GPR179: variants seen among roughly 807,000 people sequenced by gnomAD.
GPR179 encodes the protein G protein-coupled receptor 179.
GPR179 carries 52 observed loss-of-function variants against 70.8 expected under a neutral mutation model. The ratio of observed to expected loss-of-function variants is 0.73; its 90% CI spans 0.59 to 0.93. The LOEUF (loss-of-function observed/expected upper bound fraction) is 0.93. Among genes scored for constraint, GPR179 ranks in the 40% least tolerant of loss-of-function variants. The probability of loss-of-function intolerance (pLI) is 0.00; values close to 1 mark genes in which losing one functional copy is unlikely to be tolerated. For synonymous variants in GPR179, 1,123 were observed against 1,169.0 expected, an observed-to-expected ratio of 0.96 and a Z score of 0.80; for missense variants, 2,734 against 2,966.8, an observed-to-expected ratio of 0.92 and a Z score of 1.82.
rs904594582 is a variant in GPR179 at position 38,334,582 on chromosome 17, C to T, written c.1784+122G>A. ...GGAGAGAGCCAGAAGTGGGGGCCTTCGTCAACGTGCTGAGGCGTAGCAGTG... is the reference window on the plus strand; with the variant it reads ...GGAGAGAGCCAGAAGTGGGGGCCTTTGTCAACGTGCTGAGGCGTAGCAGTG... On this transcript the variant is annotated intron_variant, in intron 8 of 10. Coordinates refer to ENST00000616987, the MANE Select transcript of GPR179 (RefSeq NM_001004334.4). This position sits in a 1 kb window ranked among gnomAD's most constrained non-coding sequence, Gnocchi z 4.7. 2.9e-5 allele frequency: 31 copies of T among 1,062,598 alleles called. No homozygotes were observed. Among genetic ancestry groups the T allele is most frequent in the Non-Finnish European group, 3.7e-5 (27 of 724,132 alleles). The allele number at this position is 1,062,598 out of a possible 1,614,324, so 65.8% of individuals were successfully genotyped here.
Position 38,334,120 on chromosome 17 carries a change from C to T in GPR179, c.1785-82G>A. 2 of 967,092 alleles carry T rather than the reference C, an allele frequency of 2.1e-6. No individual in the cohort carries two copies. Among genetic ancestry groups the T allele is most frequent in the Non-Finnish European group, 3.4e-6 (2 of 595,102 alleles). 59.9% of individuals were successfully genotyped at this position (967,092 alleles called of 1,614,324 possible). Reference sequence around the variant, plus strand: ...TTGCCTTCTCACTGGCGTTTCACCTCAGCCCCAACCCTGATACGCTTAGGA... The same window carrying T: ...TTGCCTTCTCACTGGCGTTTCACCTTAGCCCCAACCCTGATACGCTTAGGA... On this transcript the variant is annotated intron_variant, in intron 8 of 10. Transcript: ENST00000616987. The surrounding 1 kb of genome is among the most constrained non-coding windows in gnomAD (Gnocchi z 4.7).
In GPR179 at chr17:38,334,057, G is replaced by T. The variant is rs777539313; in HGVS notation, c.1785-19C>A. On this transcript the variant is annotated intron_variant, in intron 8 of 10. Coordinates refer to ENST00000616987, the MANE Select transcript of GPR179 (RefSeq NM_001004334.4). This position sits in a 1 kb window ranked among gnomAD's most constrained non-coding sequence, Gnocchi z 4.7. ...CACAAACCTGGGGCGGGATAGGGGC[G>T]CAGGTCATTACTGCAGGCAGGAGTT... The T allele has an allele frequency of 1.3e-6, 2 of 1,545,558 alleles. No individual in the cohort carries two copies.
rs1324856324 is a variant in GPR179 at position 38,329,218 on chromosome 17, ACT to A, written c.4349_4350del (p.Glu1450ValfsTer11). The A allele has an allele frequency of 4.3e-6, 7 of 1,613,184 alleles. No individual in the cohort carries two copies. The highest frequency in any genetic ancestry group is 5.9e-6 in the Non-Finnish European group (7 of 1,179,726). ...ATGCCACTGCCCAAACTCCCTGAAC[ACT>A]CTGAGCTTCCTGGGGCCTGAATTGA... ...AVSIQAPGSS[E>X]CSGSLGSGIA... is the part of the protein sequence containing the mutation. On this transcript the variant is annotated frameshift_variant, in exon 11 of 11. Coordinates refer to ENST00000616987, the MANE Select transcript of GPR179 (RefSeq NM_001004334.4). LOFTEE classifies it low-confidence loss of function (END_TRUNC).
At chr17:38,333,503 C>T (rs760067743) in intron 9 of GPR179, 106 bp from the exon 10 acceptor site, 14 of 1,154,784 alleles carry the variant, frequency 1.2e-5, no homozygotes, top group Non-Finnish European at 1.7e-5. Flanking sequence ...ACGCTTCACC[C>T]CCTTCTCTGA....
chr17:38,337,498 T>C, intron 3 of GPR179, 135 bp downstream of exon 3: 1 of 788,080 alleles, frequency 1.3e-6, no homozygotes, highest in Non-Finnish European at 2.1e-6. Context: ...CTCTCCTGCC[T>C]CTCTCAACCT....
Position 38,333,313 on chromosome 17 carries a change from A to G in GPR179, c.1975T>C (p.Tyr659His). The stretch of plus-strand genomic sequence containing the variant: ...GCTGAGGCGATGCTGCTGCCAAGGT[A>G]GGAGCCTGAGTGCTGCAGGTCCAGC... ...DELDLQHSGSYLGSSIASAWS... is the reference protein window; with the variant it reads ...DELDLQHSGSHLGSSIASAWS... Residue 659 changes from tyrosine to histidine, a missense_variant, in exon 10 of 11, where the codon TAC becomes CAC. Tyr to His is a moderately conservative substitution (Grantham distance 83). Coordinates refer to ENST00000616987, the MANE Select transcript of GPR179 (RefSeq NM_001004334.4). The G allele has an allele frequency of 1.2e-6, 2 of 1,614,068 alleles. No individual in the cohort carries two copies. Among genetic ancestry groups the G allele is most frequent in the South Asian group, 1.1e-5 (1 of 91,080 alleles).
chr17:38,341,163 T>C (rs1271709390), intron 1 of GPR179, among the ~76,000 whole-genome samples: 1 of 152,208 alleles, frequency 6.6e-6, no homozygotes, highest in Non-Finnish European at 1.5e-5. Flanking sequence ...TCCAGTATTA[T>C]GAATGTTCAC....
chr17:38,331,786 A>G (rs1176917457), intron 10 of GPR179, among the ~76,000 whole-genome samples: 1 of 152,106 alleles, frequency 6.6e-6, no homozygotes, highest in African/African-American at 2.4e-5. Flanking sequence ...ATTGTGGTCT[A>G]GTGGGAAGTT....
chr17:38,343,656 C>T lies in GPR179; in HGVS notation c.134G>A (p.Gly45Glu). 1 of 1,612,740 alleles carries T rather than the reference C, an allele frequency of 6.2e-7. No homozygotes were observed. The highest frequency in any genetic ancestry group is 1.1e-5 in the South Asian group (1 of 91,046). ...TAGGGGCACCTGCATGGGTACAGAT[C>T]CTGGCTTGACTTGGGAAGACAGAGG... is the stretch of plus-strand genomic sequence containing the variant. Reference protein sequence around the residue: ...LPPLSSQVKPGSVPMQVPLEG... With the variant: ...LPPLSSQVKPESVPMQVPLEG... The change falls in exon 1 of 11, where the codon GGA (glycine) becomes GAA (glutamate). Residue 45 changes from glycine (G) to glutamate (E), a missense_variant. Physicochemically the swap from Gly to Glu is moderately conservative, Grantham distance 98 (BLOSUM62 -2). Transcript: ENST00000616987. This position sits in a 1 kb window ranked among gnomAD's most constrained non-coding sequence, Gnocchi z 4.2.
rs759443922 is a variant in GPR179, at chr17:38,343,229, G to T, written c.561C>A (p.Asn187Lys). 1.2e-6 allele frequency: 2 copies of T among 1,614,040 alleles called. No individual in the cohort carries two copies. The highest frequency in any genetic ancestry group is 1.7e-5 in the Admixed American group (1 of 60,020). The part of the protein sequence containing the change: ...DLSGNWVQEE[N>K]PPGDLDTPAL... ...CAGGGGTGTCCAGGTCCCCAGGAGG[G>T]TTCTCCTCCTGCACCCAGTTCCCAG... is the stretch of plus-strand genomic sequence containing the variant. The change falls in exon 1 of 11, where the codon AAC (asparagine) becomes AAA (lysine). Residue 187 changes from asparagine (N) to lysine (K), a missense_variant. Asn to Lys is a moderately conservative substitution (Grantham distance 94, BLOSUM62 0). Transcript: ENST00000616987. This position sits in a 1 kb window ranked among gnomAD's most constrained non-coding sequence, Gnocchi z 4.2.
At position 38,326,596 on chromosome 17, in the gene GPR179, C is replaced by T. The variant is rs1171540396; in HGVS notation, c.6973G>A (p.Ala2325Thr). ...GCTTCCTGGAGACTTGGCTCTGGGGCTAAGCTGGTCCTTGGCTCAAGCCCT... is the reference window on the plus strand; with the variant it reads ...GCTTCCTGGAGACTTGGCTCTGGGGTTAAGCTGGTCCTTGGCTCAAGCCCT... ...PSGLEPRTSL[A>T]PEPSLQEAES... The change falls in exon 11 of 11, where the codon GCC (alanine) becomes ACC (threonine). Residue 2325 changes from alanine (A) to threonine (T), a missense_variant. Physicochemically the swap from Ala to Thr is moderately conservative, Grantham distance 58. Transcript: ENST00000616987. The T allele has an allele frequency of 1.2e-6, 2 of 1,614,078 alleles. No homozygotes were observed. Among genetic ancestry groups the T allele is most frequent in the Non-Finnish European group, 1.7e-6 (2 of 1,180,034 alleles).
rs1036521410 is a variant in GPR179 at position 38,333,355 on chromosome 17, C to T, written c.1933G>A (p.Glu645Lys). 6 of 1,613,956 alleles carry T rather than the reference C, an allele frequency of 3.7e-6. No homozygotes were observed. The highest frequency in any genetic ancestry group is 5.1e-6 in the Non-Finnish European group (6 of 1,180,012). ...GAPPREEMVD[E>K]VCEDELDLQH... ...AGGTCCAGCTCGTCCTCACACACCTCATCCACCATCTCCTCCCGGGGAGGA... is the reference window on the plus strand; with the variant it reads ...AGGTCCAGCTCGTCCTCACACACCTTATCCACCATCTCCTCCCGGGGAGGA... The change falls in exon 10 of 11, where the codon GAG becomes AAG. Residue 645 changes from glutamate (E) to lysine (K), a missense_variant. Coordinates refer to ENST00000616987, the MANE Select transcript of GPR179 (RefSeq NM_001004334.4).
intron 4 of GPR179, among the ~76,000 whole-genome samples, chr17:38,336,366 C>T (rs1439675799): frequency 1.3e-5 from 2 of 152,250 alleles, no homozygotes; most frequent in Admixed American, 6.5e-5. Flanking sequence ...CCCACACACA[C>T]ATCCCTGTGT....
At position 38,326,301 on chromosome 17, in the gene GPR179, C is replaced by T. The variant is rs2037284770; in HGVS notation, c.*164G>A. The T allele has an allele frequency of 8.3e-6, 5 of 599,848 alleles. No individual in the cohort carries two copies. In the South Asian group the frequency reaches 8.8e-5, roughly 11 times the overall value. 37.2% of individuals were successfully genotyped at this position (599,848 alleles called of 1,614,324 possible). ...CCTTCCCATTGGGGTCTAAGCTGTA[C>T]CCTTTTCATGCAGTTTGTCTTTGGG... On this transcript the variant is annotated 3_prime_UTR_variant, in exon 11 of 11. Transcript: ENST00000616987.
intron 9 of GPR179, 57 bp downstream of exon 9, chr17:38,333,876 A>G: frequency 1.5e-6 from 2 of 1,342,146 alleles, no homozygotes; most frequent in South Asian, 2.4e-5. Flanking sequence ...ACCGCTCCAC[A>G]GTGGCCCTGA....
rs758285150 is a variant in GPR179 at position 38,339,462 on chromosome 17, T to C, written c.858A>G (p.Pro286=). 12 of 1,614,018 alleles carry C rather than the reference T, an allele frequency of 7.4e-6. No homozygotes were observed. In the East Asian group the frequency reaches 2.7e-4, roughly 36 times the overall value. ...SVDINQCASG[P]GWYSNTHLCD... The stretch of plus-strand genomic sequence containing the variant: ...ACAGGTGTGTGTTAGAGTACCAGCC[T>C]GGGCCACTTGCACACTGATTGATGT... The change falls in exon 2 of 11, where the codon CCA becomes CCG. Residue 286 remains proline, a synonymous_variant. Coordinates refer to ENST00000616987, the MANE Select transcript of GPR179 (RefSeq NM_001004334.4).
intron 2 of GPR179, 91 bp from the exon 3 acceptor site, chr17:38,337,811 C>A: frequency 9.0e-7 from 1 of 1,105,254 alleles, no homozygotes; most frequent in Non-Finnish European, 1.3e-6. Context: ...CCATCTACCT[C>A]CCTATCCATG....
Position 38,335,089 on chromosome 17 carries a change from C to T in GPR179, c.1589G>A (p.Ser530Asn), listed in dbSNP as rs371905233. 5.1e-5 allele frequency: 82 copies of T among 1,613,320 alleles called. No homozygotes were observed. The highest frequency in any genetic ancestry group is 4.9e-4 in the Middle Eastern group (3 of 6,084). ...APLVIRGHTP[S>N]GRHFYLCHHD... ...GTGACAGAGGTAGAAATGGCGGCCA[C>T]TGGGAGTGTGGCCTCGGATCACCAG... Residue 530 changes from serine to asparagine, a missense_variant, in exon 7 of 11, where the codon AGT becomes AAT. Physicochemically the swap from Ser to Asn is conservative, Grantham distance 46 (BLOSUM62 1). Coordinates refer to ENST00000616987, the MANE Select transcript of GPR179 (RefSeq NM_001004334.4).
rs1414028835 is a variant in GPR179, at chr17:38,326,619, C to T, written c.6950G>A (p.Gly2317Glu). The T allele has an allele frequency of 2.5e-6, 4 of 1,614,174 alleles. No individual in the cohort carries two copies. Among genetic ancestry groups the T allele is most frequent in the Middle Eastern group, 1.7e-4 (1 of 6,058 alleles). ...EGVRELQGPS[G>E]LEPRTSLAPE... ...GGCTAAGCTGGTCCTTGGCTCAAGC[C>T]CTGAAGGTCCTTGTAGTTCTCTGAC... The change falls in exon 11 of 11, where the codon GGG becomes GAG. Residue 2317 changes from glycine (G) to glutamate (E), a missense_variant. Physicochemically the swap from Gly to Glu is moderately conservative, Grantham distance 98. Transcript: ENST00000616987.
Sources: allele counts gnomAD v4.1 joint callset (sites outside exome capture counted in the v4.1 genomes callset), GRCh38; gene constraint gnomAD v4.1.1; non-coding constraint Gnocchi (gnomAD v3.1); transcripts MANE v1.5; gene names NCBI Gene and HGNC (gene_info 2026-07-23, HGNC 2026-07-21).